PKP4: variants seen among roughly 807,000 people sequenced by gnomAD.
PKP4 encodes the protein plakophilin 4.
A neutral mutation model predicts 145.1 loss-of-function variants in PKP4; 90 were observed. The ratio of observed to expected loss-of-function variants is 0.62; its 90% CI spans 0.52 to 0.74. The LOEUF is 0.74. PKP4 is among the 30% of genes least tolerant of loss of function. PKP4 has a pLI of 0.00. For missense variants in PKP4, 1,340 were observed against 1,482.7 expected, an observed-to-expected ratio of 0.90 and a Z score of 1.58; for synonymous variants, 563 against 577.2, an observed-to-expected ratio of 0.98 and a Z score of 0.35.
Position 158,604,316 on chromosome 2 carries a change from A to G in PKP4, c.280+1212A>G, listed in dbSNP as rs565942229. ...TGGTTTGGGAGGTGATAAGACGTGCAAAGTCTAGAAGGCTGAATTGGCTGA... is the reference window on the plus strand; with the variant it reads ...TGGTTTGGGAGGTGATAAGACGTGCGAAGTCTAGAAGGCTGAATTGGCTGA... On this transcript the variant is annotated intron_variant, in intron 4 of 21. Transcript: ENST00000389759. 2.6e-5 allele frequency among the ~76,000 whole-genome samples: 4 copies of G among 152,302 alleles called. No homozygotes were observed. The East Asian group carries it at 7.7e-4, about 29-fold the overall frequency.
chr2:158,630,156 A>G (rs902866398), intron 7 of PKP4, among the ~76,000 whole-genome samples: 5 of 152,216 alleles, frequency 3.3e-5, no homozygotes, highest in Admixed American at 2.6e-4. Context: ...CCCTTAATTG[A>G]TATTTTTACA....
chr2:158,624,735 C>T, intron 6 of PKP4, 143 bp from the exon 7 acceptor site: 1 of 568,726 alleles, frequency 1.8e-6, no homozygotes, highest in Non-Finnish European at 2.9e-6. Context: ...ATGTCTGGCT[C>T]AAAGCATAAA....
intron 19 of PKP4, among the ~76,000 whole-genome samples, chr2:158,674,229 C>G (rs1182435622): frequency 6.6e-6 from 1 of 152,182 alleles, no homozygotes; most frequent in African/African-American, 2.4e-5. Flanking sequence ...AGGCCCTGCC[C>G]TCAAGTCTGC....
chr2:158,663,072 C>T lies in PKP4; in HGVS notation c.2387C>T (p.Thr796Ile). The T allele has an allele frequency of 6.2e-7, 1 of 1,608,624 alleles. No individual in the cohort carries two copies. Residue 796 changes from threonine to isoleucine, a missense_variant, in exon 14 of 22, where the codon ACT (threonine) becomes ATT (isoleucine). Coordinates refer to ENST00000389759, the MANE Select transcript of PKP4 (RefSeq NM_003628.6). ...AAGAAGAAGAAAAAGAAAAAGAGGA[C>T]TCCGCAAGAAGATCAAGTTAGCATT... ...WGKKKKKKKRTPQEDQWDGVG... is the reference protein window; with the variant it reads ...WGKKKKKKKRIPQEDQWDGVG...
intron 2 of PKP4, among the ~76,000 whole-genome samples, chr2:158,573,276 A>G (rs957555949): frequency 6.6e-6 from 1 of 152,238 alleles, no homozygotes; most frequent in South Asian, 2.1e-4. Flanking sequence ...TACCAATTGC[A>G]TAAATTGTGT....
chr2:158,564,259 T>G (rs912961391), intron 2 of PKP4, among the ~76,000 whole-genome samples: 8 of 152,134 alleles, frequency 5.3e-5, no homozygotes, highest in Admixed American at 3.3e-4. Flanking sequence ...CTTTGGGTTT[T>G]TAAATTTTGT....
chr2:158,602,170 A>G lies in PKP4; in HGVS notation c.246-900A>G, dbSNP rs1175927433. 3.3e-5 allele frequency among the ~76,000 whole-genome samples: 5 copies of G among 152,338 alleles called. No individual in the cohort carries two copies. The East Asian group carries it at 5.8e-4, about 18-fold the overall frequency. On this transcript the variant is annotated intron_variant, in intron 3 of 21. Transcript: ENST00000389759. ...TATGTGTCTGTATGTGTTTAATGCA[A>G]AAATGGGATCACAAGCTGTTCTGCC...
intron 1 of PKP4, among the ~76,000 whole-genome samples, chr2:158,486,403 G>A (rs1469260373): frequency 6.6e-6 from 1 of 152,160 alleles, no homozygotes; most frequent in Non-Finnish European, 1.5e-5. Context: ...ATGGGTTTTG[G>A]GAAAACGTAT....
intron 2 of PKP4, among the ~76,000 whole-genome samples, chr2:158,545,073 CTTTTTTTTTTTTTT>C (rs386391605): frequency 1.4e-5 from 1 of 72,510 alleles, no homozygotes; most frequent in Non-Finnish European, 2.4e-5. Flanking sequence ...AAGTCTTTCA[CTTTTTTTTTTTTTT>C]TTTTTTTTTT....
intron 1 of PKP4, among the ~76,000 whole-genome samples, chr2:158,459,688 T>C (rs143722336): frequency 6.5e-4 from 99 of 152,240 alleles, no homozygotes; most frequent in African/African-American, 2.3e-3. Flanking sequence ...TAACCCATGC[T>C]TAACCCGTGC....
Position 158,676,878 on chromosome 2 carries a change from AG to A in PKP4, c.3256+12del. 1 of 1,614,012 alleles carries A rather than the reference AG, an allele frequency of 6.2e-7. No homozygotes were observed. Among genetic ancestry groups the A allele is most frequent in the Non-Finnish European group, 8.5e-7 (1 of 1,179,978 alleles). ...AAGGCCTGTACCCTGGTAAGACGCC[AG>A]TTGGGTGTGTGATACAGTCTCTTGA... On this transcript the variant is annotated intron_variant, in intron 20 of 21. Transcript: ENST00000389759.
At chr2:158,584,724 A>G (rs2048649916) in intron 3 of PKP4, among the ~76,000 whole-genome samples, 1 of 152,212 alleles carries the variant, frequency 6.6e-6, no homozygotes, top group Admixed American at 6.5e-5. Flanking sequence ...GATTTCATAA[A>G]TGAAATATGA....
chr2:158,673,877 C>G lies in PKP4; in HGVS notation c.3010-6C>G. 1.3e-6 allele frequency: 2 copies of G among 1,585,770 alleles called. No homozygotes were observed. The highest frequency in any genetic ancestry group is 1.7e-6 in the Non-Finnish European group (2 of 1,154,032). On this transcript the variant is annotated splice_polypyrimidine_tract_variant and splice_region_variant and intron_variant, in intron 18 of 21. Coordinates refer to ENST00000389759, the MANE Select transcript of PKP4 (RefSeq NM_003628.6). ...TGAGAGGTTTCTTTTTCTCTTAACTCTGCAGGATGGGTGGAATCAGAACCA... is the reference window on the plus strand; with the variant it reads ...TGAGAGGTTTCTTTTTCTCTTAACTGTGCAGGATGGGTGGAATCAGAACCA...
intron 2 of PKP4, among the ~76,000 whole-genome samples, chr2:158,568,528 C>T (rs893496702): frequency 6.6e-6 from 1 of 152,112 alleles, no homozygotes; most frequent in Non-Finnish European, 1.5e-5. Flanking sequence ...GTTTACCCAT[C>T]ATTTAGGTGT....
In PKP4 at chr2:158,496,790, G is replaced by GTC. The variant is rs1553545779; in HGVS notation, c.-5-36389_-5-36388insCT. Among the ~76,000 whole-genome samples, 40 of 150,072 alleles carry GTC rather than the reference G, an allele frequency of 2.7e-4. 2 individuals are homozygous for GTC. The highest frequency in any genetic ancestry group is 1.3e-3 in the South Asian group (6 of 4,750). ...TGTGTGTGTGTGTGTGTGTGTGTGT[G>GTC]TGTGTCTGTGTGTCTCACTCTCTCT... is the stretch of plus-strand genomic sequence containing the variant. On this transcript the variant is annotated intron_variant, in intron 1 of 21. Coordinates refer to ENST00000389759, the MANE Select transcript of PKP4 (RefSeq NM_003628.6).
intron 2 of PKP4, among the ~76,000 whole-genome samples, chr2:158,571,027 C>T (rs553874448): frequency 2.2e-4 from 34 of 152,238 alleles, no homozygotes; most frequent in Non-Finnish European, 3.4e-4. Context: ...AAGGGACACT[C>T]CCTCCACTAA....
intron 2 of PKP4, among the ~76,000 whole-genome samples, chr2:158,562,240 C>T (rs969114080): frequency 6.6e-6 from 1 of 152,024 alleles, no homozygotes; most frequent in Non-Finnish European, 1.5e-5. Context: ...TTTTTAATGA[C>T]AAGTTGTTTC....
intron 1 of PKP4, among the ~76,000 whole-genome samples, chr2:158,526,164 G>A (rs1181623500): frequency 3.4e-4 from 46 of 137,256 alleles, no homozygotes; most frequent in African/African-American, 9.9e-4. Context: ...TACCAAAGCC[G>A]GGCAGAGACA....
intron 1 of PKP4, among the ~76,000 whole-genome samples, chr2:158,461,196 C>T (rs1689711284): frequency 6.6e-6 from 1 of 152,132 alleles, no homozygotes; most frequent in Admixed American, 6.5e-5. Context: ...TTTAATAATT[C>T]AGTGGAATTA....
Sources: gnomAD v4.1 joint callset for allele counts (sites outside exome capture counted in the v4.1 genomes callset) on GRCh38, gnomAD v4.1.1 for gene constraint, MANE v1.5 for transcripts, NCBI Gene and HGNC (gene_info 2026-07-23, HGNC 2026-07-21) for gene names.